The following INSC variants were observed in gnomAD, a reference collection of about 807,000 sequenced individuals.
INSC encodes INSC spindle orientation adaptor protein, also known as protein inscuteable homolog.
INSC carries 67 observed loss-of-function variants against 58.6 expected under a neutral mutation model. The ratio of observed to expected loss-of-function variants is 1.14; its 90% CI spans 0.94 to 1.40. INSC has a LOEUF of 1.40. Among genes scored for constraint, INSC ranks in the 40% most tolerant of loss-of-function variants. The pLI is 0.00. For missense variants in INSC, 714 were observed against 692.0 expected (o/e 1.03, Z -0.36); for synonymous variants, 262 against 276.1 (o/e 0.95, Z 0.51).
At chr11:15,188,291 T>G in intron 5 of INSC, 2 of 985,472 alleles carry the variant, frequency 2.0e-6, no homozygotes, top group Non-Finnish European at 2.4e-6. Context: ...CTAATGAGGC[T>G]GGACAACAGC....
chr11:15,239,079 G>A lies in INSC; in HGVS notation c.1393+5G>A. ...GGGAGGCCGTGCGGCTCAGCTGTGAGTGGTGCTTTCTGGCTGTGGCTGGAG... is the reference window on the plus strand; with the variant it reads ...GGGAGGCCGTGCGGCTCAGCTGTGAATGGTGCTTTCTGGCTGTGGCTGGAG... On this transcript the variant is annotated splice_donor_5th_base_variant and intron_variant, in intron 11 of 12. Coordinates refer to ENST00000379556, the MANE Select transcript of INSC (RefSeq NM_001042536.3). 2 of 1,608,592 alleles carry A rather than the reference G, an allele frequency of 1.2e-6. No individual in the cohort carries two copies. Among genetic ancestry groups the A allele is most frequent in the East Asian group, 2.2e-5 (1 of 44,780 alleles).
At position 15,238,944 on chromosome 11, in the gene INSC, G is replaced by C. The variant is rs1590013246; in HGVS notation, c.1263G>C (p.Leu421=). 6.2e-7 allele frequency: 1 copy of C among 1,614,172 alleles called. No individual in the cohort carries two copies. Residue 421 remains leucine, a synonymous_variant, in exon 11 of 13, where the codon CTG becomes CTC. Coordinates refer to ENST00000379556, the MANE Select transcript of INSC (RefSeq NM_001042536.3). ...ENGVQLIMGM[L]SEKPRSGTPA... is the part of the protein sequence containing the mutation. The stretch of plus-strand genomic sequence containing the variant: ...GGGTCCAGCTTATCATGGGCATGCT[G>C]TCTGAAAAACCAAGGTCTGGGACTC...
At position 15,190,790 on chromosome 11, in the gene INSC, T is replaced by A. The variant is rs746439267; in HGVS notation, c.669T>A (p.Ala223=). 1 of 1,613,498 alleles carries A rather than the reference T, an allele frequency of 6.2e-7. No homozygotes were observed. Residue 223 remains alanine (A), a synonymous_variant, in exon 6 of 13, where the codon GCT becomes GCA. Coordinates refer to ENST00000379556, the MANE Select transcript of INSC (RefSeq NM_001042536.3). The part of the protein sequence containing the change: ...GNLFSLTQEG[A]PLCRIIAKEG... ...TGTTCAGCCTGACCCAGGAGGGGGC[T>A]CCCTTGTGCCGCATCATAGCCAAGG...
chr11:15,134,287 T>C (rs978724611), intron 1 of INSC, among the ~76,000 whole-genome samples: 3 of 152,326 alleles, frequency 2.0e-5, no homozygotes, highest in African/African-American at 7.2e-5. Flanking sequence ...AATTGAACGA[T>C]GACACAATGC....
intron 5 of INSC, among the ~76,000 whole-genome samples, chr11:15,180,817 T>C (rs1444100673): frequency 6.6e-6 from 1 of 152,098 alleles, no homozygotes; most frequent in Non-Finnish European, 1.5e-5. Context: ...ATTTCCTCCA[T>C]GCCCTTTTAA....
chr11:15,114,837 C>T, upstream of INSC: 1 of 715,272 alleles, frequency 1.4e-6, no homozygotes, highest in Non-Finnish European at 1.7e-6. Flanking sequence ...CTGCGACCGC[C>T]TCGGAGAGGG....
chr11:15,202,791 C>T (rs996598687), intron 7 of INSC, among the ~76,000 whole-genome samples: 4 of 152,298 alleles, frequency 2.6e-5, no homozygotes, highest in Admixed American at 2.6e-4. Context: ...CAGGGCTTTT[C>T]GTTTGTTTGT....
In INSC at chr11:15,238,903, C is replaced by T; in HGVS notation, c.1238-16C>T. On this transcript the variant is annotated splice_polypyrimidine_tract_variant and intron_variant, in intron 10 of 12. Transcript: ENST00000379556. ...ATGCTGGGGTAGGTACCAACTGTTC[C>T]TTGCTTCCTGCCTAGGGGTCCAGCT... 1 of 1,611,468 alleles carries T rather than the reference C, an allele frequency of 6.2e-7. No individual in the cohort carries two copies. The highest frequency in any genetic ancestry group is 8.5e-7 in the Non-Finnish European group (1 of 1,178,396).
intron 2 of INSC, among the ~76,000 whole-genome samples, chr11:15,159,226 C>T (rs1315523792): frequency 6.6e-6 from 1 of 152,112 alleles, no homozygotes; most frequent in Admixed American, 6.5e-5. Context: ...GCAAGGTACC[C>T]AAGTGATGGC....
At chr11:15,160,106 G>GT (rs200763957) in intron 2 of INSC, among the ~76,000 whole-genome samples, 6 of 152,178 alleles carry the variant, frequency 3.9e-5, no homozygotes, top group African/African-American at 1.4e-4. Context: ...TCATCTAGGG[G>GT]GTAAGGCAGA....
At chr11:15,247,756 T>TATATATA (rs1473234183), downstream of INSC, among the ~76,000 whole-genome samples, 4 of 148,306 alleles carry the variant, frequency 2.7e-5, no homozygotes, top group African/African-American at 4.9e-5. Context: ...TATATATATA[T>TATATATA]TTCACTGAGT....
chr11:15,121,550 G>T (rs1048534867), intron 1 of INSC, among the ~76,000 whole-genome samples: 3 of 152,134 alleles, frequency 2.0e-5, no homozygotes, highest in African/African-American at 7.2e-5. Context: ...AATAATGTCT[G>T]CCAGTTTCTC....
intron 7 of INSC, among the ~76,000 whole-genome samples, chr11:15,213,115 G>A (rs191969450): frequency 4.6e-5 from 7 of 151,736 alleles, no homozygotes; most frequent in Admixed American, 1.3e-4. Context: ...CTCAACTCAG[G>A]ATGTCCATGA....
chr11:15,131,430 T>C (rs1285032312), intron 1 of INSC, among the ~76,000 whole-genome samples: 1 of 152,108 alleles, frequency 6.6e-6, no homozygotes, highest in Non-Finnish European at 1.5e-5. Flanking sequence ...GAATGATTCA[T>C]GAGTGCTTGA....
chr11:15,183,567 A>T (rs1177778134), intron 5 of INSC, among the ~76,000 whole-genome samples: 1 of 152,048 alleles, frequency 6.6e-6, no homozygotes, highest in African/African-American at 2.4e-5. Flanking sequence ...TCCTTAGACC[A>T]AAGCAAAGAG....
intron 1 of INSC, among the ~76,000 whole-genome samples, chr11:15,132,510 C>T (rs1848148548): frequency 6.6e-6 from 1 of 152,146 alleles, no homozygotes; most frequent in South Asian, 2.1e-4. Context: ...TGATCTTGAA[C>T]TCTTGGGCTT....
At chr11:15,171,046 C>A (rs530237588) in intron 2 of INSC, among the ~76,000 whole-genome samples, 1 of 152,288 alleles carries the variant, frequency 6.6e-6, no homozygotes, top group African/African-American at 2.4e-5. Flanking sequence ...AAGTATATAC[C>A]TCCTGTGTGC....
At chr11:15,134,229 A>G (rs563039982) in intron 1 of INSC, among the ~76,000 whole-genome samples, 3 of 152,348 alleles carry the variant, frequency 2.0e-5, no homozygotes, top group Admixed American at 6.5e-5. Context: ...TTAAGATGCT[A>G]TATATTGTAA....
At chr11:15,144,731 A>G (rs1848452135) in intron 1 of INSC, among the ~76,000 whole-genome samples, 1 of 152,174 alleles carries the variant, frequency 6.6e-6, no homozygotes, top group East Asian at 1.9e-4. Context: ...ATTTTAATTG[A>G]ATAATTTACT....
Sources: allele counts gnomAD v4.1 joint callset (sites outside exome capture counted in the v4.1 genomes callset), GRCh38; gene constraint gnomAD v4.1.1; transcripts MANE v1.5; gene names NCBI Gene and HGNC (gene_info 2026-07-23, HGNC 2026-07-21).